Variants in SYT9 observed in about 807,000 individuals in gnomAD.
SYT9 encodes the protein synaptotagmin-9.
In SYT9, 22 loss-of-function variants were observed where a neutral mutation model predicts 48.4. That is an observed-to-expected ratio of 0.45 (90% CI 0.32 to 0.65). SYT9 has a LOEUF of 0.65. Ranked by LOEUF, SYT9 falls within the 30% of genes least tolerant of loss-of-function variation. The pLI is 0.03. For synonymous variants in SYT9, 265 were observed against 245.0 expected (o/e 1.08, Z -0.76); for missense variants, 577 against 622.0 (o/e 0.93, Z 0.77).
intron 1 of SYT9, among the ~76,000 whole-genome samples, chr11:7,275,983 A>G (rs1848382170): frequency 1.3e-5 from 2 of 152,186 alleles, no homozygotes; most frequent in African/African-American, 4.8e-5. Flanking sequence ...ACCCCCAACT[A>G]GAATGTAAGC....
chr11:7,362,702 C>T (rs904288356), intron 3 of SYT9, among the ~76,000 whole-genome samples: 4 of 149,148 alleles, frequency 2.7e-5, no homozygotes, highest in Non-Finnish European at 3.0e-5. Flanking sequence ...TAGTACTTAT[C>T]GCATATATAT....
intron 6 of SYT9, among the ~76,000 whole-genome samples, chr11:7,463,151 G>C (rs970021410): frequency 3.9e-5 from 6 of 152,174 alleles, no homozygotes; most frequent in African/African-American, 1.4e-4. Flanking sequence ...GAGCCCACCA[G>C]GTCTCATAAC....
chr11:7,365,892 A>G (rs1188640968), intron 3 of SYT9, among the ~76,000 whole-genome samples: 7 of 152,352 alleles, frequency 4.6e-5, no homozygotes, highest in Admixed American at 3.3e-4. Flanking sequence ...TAAGGTCAGT[A>G]CTATGCCACA....
intron 1 of SYT9, among the ~76,000 whole-genome samples, chr11:7,278,713 C>T (rs1432549353): frequency 1.3e-5 from 2 of 151,988 alleles, no homozygotes; most frequent in Non-Finnish European, 2.9e-5. Flanking sequence ...AGCAAGATTC[C>T]GAGTAGCTTA....
At chr11:7,369,326 GT>G (rs746312090) in intron 3 of SYT9, among the ~76,000 whole-genome samples, 60 of 133,178 alleles carry the variant, frequency 4.5e-4, no homozygotes, top group Non-Finnish European at 7.5e-4. Flanking sequence ...GGTGTTGTTT[GT>G]TTTTTTTTTC....
intron 6 of SYT9, among the ~76,000 whole-genome samples, chr11:7,446,776 T>C (rs1185120381): frequency 6.6e-6 from 1 of 151,408 alleles, no homozygotes; most frequent in Non-Finnish European, 1.5e-5. Flanking sequence ...CCCCTCCTCC[T>C]GGAGAATGTG....
chr11:7,424,861 T>A (rs9734084), intron 6 of SYT9, among the ~76,000 whole-genome samples: 11,708 of 152,172 alleles, frequency 0.077, 499 homozygotes, highest in East Asian at 0.15. Flanking sequence ...TGGGACCAGC[T>A]CATTGAGCCT....
At chr11:7,246,561 A>G (rs913272031) in intron 1 of SYT9, among the ~76,000 whole-genome samples, 3 of 152,192 alleles carry the variant, frequency 2.0e-5, no homozygotes, top group African/African-American at 7.2e-5. Context: ...CCACTCTACT[A>G]TAATTGCAGA....
intron 3 of SYT9, among the ~76,000 whole-genome samples, chr11:7,397,331 A>G (rs1186759944): frequency 6.6e-6 from 1 of 152,198 alleles, no homozygotes; most frequent in Non-Finnish European, 1.5e-5. Flanking sequence ...TCTGTTGACC[A>G]TATAAATGAG....
chr11:7,347,222 G>A (rs763233135), intron 3 of SYT9, among the ~76,000 whole-genome samples: 2 of 140,590 alleles, frequency 1.4e-5, no homozygotes, highest in Admixed American at 7.4e-5. Context: ...CTTTCAAACC[G>A]TTTTCATCAA....
chr11:7,442,435 A>C (rs2134135628), intron 6 of SYT9, among the ~76,000 whole-genome samples: 1 of 152,298 alleles, frequency 6.6e-6, no homozygotes, highest in African/African-American at 2.4e-5. Flanking sequence ...AAAGCCCTTC[A>C]GGCATGTTTG....
intron 1 of SYT9, among the ~76,000 whole-genome samples, chr11:7,245,322 T>C (rs1338482841): frequency 6.6e-6 from 1 of 152,224 alleles, no homozygotes; most frequent in African/African-American, 2.4e-5. Context: ...TAACAAATGC[T>C]TAATAATGAT....
At chr11:7,367,072 CTTTTT>C (rs35502843) in intron 3 of SYT9, among the ~76,000 whole-genome samples, 1,949 of 53,096 alleles carry the variant, frequency 0.037, 83 homozygotes, top group African/African-American at 0.12. Context: ...AGGAGACCAT[CTTTTT>C]TTTTTTTTTT....
At chr11:7,432,579 AAAAATATATATACATATATAT>A (rs1847616880) in intron 6 of SYT9, among the ~76,000 whole-genome samples, 15 of 7,172 alleles carry the variant, frequency 2.1e-3, no homozygotes, top group Admixed American at 4.0e-3. Context: ...AAAAAAAAAA[AAAAATATATATACATATATAT>A]ATATATATAT....
intron 1 of SYT9, among the ~76,000 whole-genome samples, chr11:7,281,106 C>T (rs1370308919): frequency 1.3e-5 from 2 of 152,166 alleles, no homozygotes. Context: ...AGATATGTGA[C>T]GGGGTTATAT....
intron 1 of SYT9, among the ~76,000 whole-genome samples, chr11:7,243,792 A>G (rs984347501): frequency 1.3e-5 from 2 of 152,186 alleles, no homozygotes; most frequent in African/African-American, 4.8e-5. Flanking sequence ...TGGATAGTCT[A>G]CAACCACTTG....
intron 2 of SYT9, among the ~76,000 whole-genome samples, chr11:7,305,110 A>G (rs757973295): frequency 6.6e-6 from 1 of 152,210 alleles, no homozygotes; most frequent in Non-Finnish European, 1.5e-5. Flanking sequence ...TTTGCTTAAA[A>G]AATAACTGTT....
chr11:7,335,785 G>A (rs765915224), intron 3 of SYT9, among the ~76,000 whole-genome samples: 40 of 152,080 alleles, frequency 2.6e-4, no homozygotes, highest in Non-Finnish European at 5.0e-4. Context: ...TCTTGCTATT[G>A]TGAATAGTGC....
rs756079021 is a variant in SYT9 at position 7,303,322 on chromosome 11, G to C, written c.429G>C (p.Gly143=). Residue 143 remains glycine, a synonymous_variant, in exon 2 of 7, where the codon GGG becomes GGC. Coordinates refer to ENST00000318881, the MANE Select transcript of SYT9 (RefSeq NM_175733.4). Reference sequence around the variant, plus strand: ...ACATTCCCCTCTCCACCCAGACGGGGATCCAGGAGAACTGTGCCCATGGCG... The same window carrying C: ...ACATTCCCCTCTCCACCCAGACGGGCATCCAGGAGAACTGTGCCCATGGCG... ...SPDIPLSTQT[G]IQENCAHGVR... is the part of the protein sequence containing the mutation. 9 of 1,613,768 alleles carry C rather than the reference G, an allele frequency of 5.6e-6. No individual in the cohort carries two copies. Among genetic ancestry groups the C allele is most frequent in the Non-Finnish European group, 7.6e-6 (9 of 1,180,012 alleles).
Sources: allele counts gnomAD v4.1 joint callset (sites outside exome capture counted in the v4.1 genomes callset), GRCh38; gene constraint gnomAD v4.1.1; transcripts MANE v1.5; gene names NCBI Gene and HGNC (gene_info 2026-07-23, HGNC 2026-07-21).